CEP78: variants seen among roughly 807,000 people sequenced by gnomAD.
The protein encoded by CEP78 is centrosomal protein 78.
CEP78 carries 76 observed loss-of-function variants against 81.2 expected under a neutral mutation model. That is an observed-to-expected ratio of 0.94 (90% CI 0.78 to 1.13). CEP78 has a LOEUF of 1.13. Ranked by LOEUF, CEP78 falls within the 50% of genes most tolerant of loss-of-function variation. The pLI is 0.00. For synonymous variants in CEP78, 293 were observed against 301.4 expected (o/e 0.97, Z 0.29); for missense variants, 918 against 846.8 (o/e 1.08, Z -1.04).
At chr9:78,240,686 C>T (rs1032177422) in intron 3 of CEP78, among the ~76,000 whole-genome samples, 5 of 152,040 alleles carry the variant, frequency 3.3e-5, no homozygotes, top group Non-Finnish European at 7.4e-5. Flanking sequence ...AGAGGCCGGG[C>T]GTGGTGGCTC....
chr9:78,254,825 C>CT lies in CEP78; in HGVS notation c.1252-4dup, dbSNP rs748537850. The CT allele has an allele frequency of 6.3e-6, 10 of 1,599,466 alleles. No homozygotes were observed. In the South Asian group the frequency reaches 1.1e-4, roughly 18 times the overall value. ...TTATATTATTATACAATCTTGTCCT[C>CT]TTTTTTTAAGCAACCAGGTTTTCCT... is the stretch of plus-strand genomic sequence containing the variant. On this transcript the variant is annotated splice_polypyrimidine_tract_variant and intron_variant, in intron 10 of 16. Transcript: ENST00000643273.
intron 3 of CEP78, among the ~76,000 whole-genome samples, chr9:78,240,824 A>C (rs949711082): frequency 6.6e-6 from 1 of 152,034 alleles, no homozygotes; most frequent in Non-Finnish European, 1.5e-5. Flanking sequence ...CTCACCAGGC[A>C]TGGTGGCGGG....
At chr9:78,253,536 A>G in intron 10 of CEP78, 2 of 381,750 alleles carry the variant, frequency 5.2e-6, no homozygotes, top group Non-Finnish European at 9.6e-6. Flanking sequence ...CCTCCAGCAA[A>G]ACAAATTTGA....
At chr9:78,258,348 T>C (rs749061701) in intron 11 of CEP78, among the ~76,000 whole-genome samples, 2 of 152,170 alleles carry the variant, frequency 1.3e-5, no homozygotes, top group Non-Finnish European at 2.9e-5. Flanking sequence ...AATATAAATA[T>C]TAACTTTAAC....
Position 78,236,088 on chromosome 9 carries a change from G to C in CEP78, c.-263G>C, listed in dbSNP as rs778335783. ...GCACCGCCCACCGGCTTGAATCCCG[G>C]CGCCTCAGAGGACTATGAGGCGGGC... On this transcript the variant is annotated 5_prime_UTR_variant, in exon 1 of 17. Coordinates refer to ENST00000643273, the MANE Select transcript of CEP78 (RefSeq NM_001330691.3). 1.0e-5 allele frequency: 5 copies of C among 487,214 alleles called. No homozygotes were observed. The highest frequency in any genetic ancestry group is 1.8e-5 in the Non-Finnish European group (5 of 276,152). 30.2% of individuals were successfully genotyped at this position (487,214 alleles called of 1,614,324 possible). A position where few individuals can be genotyped will look rare whatever the true frequency, so the allele number is the denominator to read the frequency against.
At chr9:78,240,440 T>A in intron 3 of CEP78, 76 bp downstream of exon 3, 1 of 1,237,962 alleles carries the variant, frequency 8.1e-7, no homozygotes, top group South Asian at 1.3e-5. Context: ...TTAATTCCTG[T>A]CTGTACCTTT....
chr9:78,263,021 GT>G (rs1563995952), intron 12 of CEP78, 37 bp downstream of exon 12: 1 of 1,314,320 alleles, frequency 7.6e-7, no homozygotes, highest in East Asian at 2.5e-5. Flanking sequence ...AGAGTTTTTT[GT>G]TTTGGTTTTG....
At chr9:78,245,756 C>A (rs1032946398) in intron 5 of CEP78, among the ~76,000 whole-genome samples, 18 of 152,088 alleles carry the variant, frequency 1.2e-4, no homozygotes, top group African/African-American at 4.3e-4. Flanking sequence ...AGAGAGAGTT[C>A]TTGACCATTA....
rs551228860 is a variant in CEP78, at chr9:78,257,036, A to T, written c.1380+2072A>T. On this transcript the variant is annotated intron_variant, in intron 11 of 16. Transcript: ENST00000643273. Reference sequence around the variant, plus strand: ...AGAAATCATATGCTAGTGAGGTTGCATCTAGGAGGTCTAACATGTTACTGT... The same window carrying T: ...AGAAATCATATGCTAGTGAGGTTGCTTCTAGGAGGTCTAACATGTTACTGT... Among the ~76,000 whole-genome samples, 8 of 152,184 alleles carry T rather than the reference A, an allele frequency of 5.3e-5. No homozygotes were observed. In the South Asian group the frequency reaches 1.7e-3, roughly 32 times the overall value.
rs1827731848 is a variant in CEP78 at position 78,273,244 on chromosome 9, A to G, written c.*2393A>G. On this transcript the variant is annotated 3_prime_UTR_variant, in exon 17 of 17. Transcript: ENST00000643273. ...AATCCCACTGTGTGCTATTTGCAAA[A>G]TCTAAAACGCTGTCATAGATTATAA... 6.6e-6 allele frequency: 1 copy of G among 152,330 alleles called. No individual in the cohort carries two copies. The highest frequency in any genetic ancestry group is 6.5e-5 in the Admixed American group (1 of 15,304). The allele number at this position is 152,330 out of a possible 1,614,324, so 9.4% of individuals were successfully genotyped here.
At chr9:78,240,447 C>G in intron 3 of CEP78, 83 bp downstream of exon 3, 1 of 1,181,800 alleles carries the variant, frequency 8.5e-7, no homozygotes, top group Non-Finnish European at 1.2e-6. Context: ...CTGTCTGTAC[C>G]TTTTTTCTTA....
In CEP78 at chr9:78,276,417, A is replaced by G. The variant is rs1228968030; in HGVS notation, c.*5566A>G. On this transcript the variant is annotated 3_prime_UTR_variant, in exon 17 of 17. Transcript: ENST00000643273. ...AATCCACAGGAAACAAACTTGGTGA[A>G]AAGTTTTTGCTAAGATAAAAACGGT... is the stretch of plus-strand genomic sequence containing the variant. The G allele has an allele frequency of 6.6e-6, 1 of 152,214 alleles. No individual in the cohort carries two copies. Among genetic ancestry groups the G allele is most frequent in the Non-Finnish European group, 1.5e-5 (1 of 68,028 alleles). 9.4% of individuals were successfully genotyped at this position (152,214 alleles called of 1,614,324 possible). A position where few individuals can be genotyped will look rare whatever the true frequency, so the allele number is the denominator to read the frequency against.
In CEP78 at chr9:78,271,414, T is replaced by C. The variant is rs1046163094; in HGVS notation, c.*563T>C. 6.6e-5 allele frequency: 10 copies of C among 152,124 alleles called. No individual in the cohort carries two copies. The highest frequency in any genetic ancestry group is 2.4e-4 in the African/African-American group (10 of 41,432). The allele number at this position is 152,124 out of a possible 1,614,324, so 9.4% of individuals were successfully genotyped here. On this transcript the variant is annotated 3_prime_UTR_variant, in exon 17 of 17. Transcript: ENST00000643273. ...GAGAAACATGAAATTTTTAAATTAA[T>C]GAATCAAAATCTTCAGCAATTCATA...
rs1050813166 is a variant in CEP78, at chr9:78,276,264, T to C, written c.*5413T>C. On this transcript the variant is annotated 3_prime_UTR_variant, in exon 17 of 17. Coordinates refer to ENST00000643273, the MANE Select transcript of CEP78 (RefSeq NM_001330691.3). The stretch of plus-strand genomic sequence containing the variant: ...TCACTAAATTAACAGATTAAAGAAG[T>C]ATAGTCATCTTCACAAGCTGAAAGA... The C allele has an allele frequency of 1.3e-5, 2 of 152,184 alleles. No individual in the cohort carries two copies. The highest frequency in any genetic ancestry group is 4.8e-5 in the African/African-American group (2 of 41,462). 9.4% of individuals were successfully genotyped at this position (152,184 alleles called of 1,614,324 possible). A position where few individuals can be genotyped will look rare whatever the true frequency, so the allele number is the denominator to read the frequency against.
Position 78,253,233 on chromosome 9 carries a change from G to T in CEP78, c.1207G>T (p.Gly403Cys). The T allele has an allele frequency of 7.6e-7, 1 of 1,307,684 alleles. No individual in the cohort carries two copies. The highest frequency in any genetic ancestry group is 2.4e-5 in the East Asian group (1 of 41,962). 81.0% of individuals were successfully genotyped at this position (1,307,684 alleles called of 1,614,324 possible). ...CTTAATTTATCGATATCTTTTTAGG[G>T]GTTTCCCATTAATCAAAACACGTGA... ...RTAERAKRHR[G>C]FPLIKTRDIC... is the part of the protein sequence containing the mutation. Residue 403 changes from glycine (G) to cysteine (C), a missense_variant and splice_region_variant, in exon 10 of 17, where the codon GGT (glycine) becomes TGT (cysteine). Gly to Cys is a radical substitution (Grantham distance 159). Transcript: ENST00000643273.
chr9:78,253,360 TAG>T, intron 10 of CEP78, 83 bp downstream of exon 10: 1 of 753,822 alleles, frequency 1.3e-6, no homozygotes, highest in South Asian at 1.5e-5. Context: ...TTAAATTGAA[TAG>T]AGTCGTAAGA....
chr9:78,257,994 G>A (rs1228375739), intron 11 of CEP78, among the ~76,000 whole-genome samples: 2 of 152,174 alleles, frequency 1.3e-5, no homozygotes, highest in Non-Finnish European at 2.9e-5. Flanking sequence ...CTCTGCAGTA[G>A]GCAGTATTAA....
intron 4 of CEP78, 111 bp from the exon 5 acceptor site, chr9:78,243,350 AT>A (rs1826318500): frequency 1.2e-6 from 1 of 810,158 alleles, no homozygotes; most frequent in Admixed American, 3.3e-5. Flanking sequence ...CACCTGGCAT[AT>A]GTACCTGGTG....
chr9:78,244,309 G>A (rs142015418), intron 5 of CEP78, among the ~76,000 whole-genome samples: 2 of 151,980 alleles, frequency 1.3e-5, no homozygotes, highest in African/African-American at 2.4e-5. Context: ...GCTAATTTTT[G>A]TGGAGACAGG....
Sources: gnomAD v4.1 joint callset for allele counts (sites outside exome capture counted in the v4.1 genomes callset) on GRCh38, gnomAD v4.1.1 for gene constraint, MANE v1.5 for transcripts, NCBI Gene and HGNC (gene_info 2026-07-23, HGNC 2026-07-21) for gene names.